MYH7: variants seen among roughly 807,000 people sequenced by gnomAD.
MYH7 encodes the protein myosin heavy chain 7.
Under a neutral mutation model 225.4 loss-of-function variants are expected in MYH7, and 129 were observed. The observed-to-expected ratio is 0.57, with a 90% CI of 0.50 to 0.66. MYH7 has a LOEUF of 0.66. Ranked by LOEUF, MYH7 falls within the 30% of genes least tolerant of loss-of-function variation. The pLI is 0.00. For missense variants in MYH7, 1,649 were observed against 2,517.0 expected (o/e 0.66, Z 7.38); for synonymous variants, 971 against 1,007.6 (o/e 0.96, Z 0.69).
Position 23,416,172 on chromosome 14 carries a change from G to A in MYH7, c.4785C>T (p.Asp1595=), listed in dbSNP as rs1320466218. ...CTGCGTCCAGGGAGGTCTGCAGCGA[G>A]TCCACCACCCGCAGGTGGTTGCGCT... is the stretch of plus-strand genomic sequence containing the variant. The part of the protein sequence containing the change: ...QAKRNHLRVV[D]SLQTSLDAET... The change falls in exon 34 of 40, where the codon GAC becomes GAT. Residue 1595 remains aspartate (D), a synonymous_variant. Coordinates refer to ENST00000355349, the MANE Select transcript of MYH7 (RefSeq NM_000257.4). The A allele has an allele frequency of 1.2e-6, 2 of 1,614,152 alleles. No homozygotes were observed. The highest frequency in any genetic ancestry group is 1.1e-5 in the South Asian group (1 of 91,078).
At chr14:23,434,106 G>T in intron 2 of MYH7, 88 bp downstream of exon 2, 1 of 849,034 alleles carries the variant, frequency 1.2e-6, no homozygotes, top group Non-Finnish European at 1.5e-6. Context: ...CCAGCACATG[G>T]CAGAAACTAG....
Position 23,416,994 on chromosome 14 carries a change from T to G in MYH7, c.4520-2A>C, listed in dbSNP as rs973089388. 6.2e-7 allele frequency: 1 copy of G among 1,614,132 alleles called. No individual in the cohort carries two copies. The highest frequency in any genetic ancestry group is 8.5e-7 in the Non-Finnish European group (1 of 1,180,058). ...GCTCAGTCAAGTCGGAGATCTCCTC[T>G]GTGTGGGGAACACGGTAACTCGGTT... On this transcript the variant is annotated splice_acceptor_variant, in intron 32 of 39. Coordinates refer to ENST00000355349, the MANE Select transcript of MYH7 (RefSeq NM_000257.4). LOFTEE classifies it high-confidence loss of function.
intron 1 of MYH7, among the ~76,000 whole-genome samples, chr14:23,434,493 G>A (rs915323854): frequency 9.9e-5 from 15 of 152,124 alleles, no homozygotes; most frequent in African/African-American, 3.4e-4. Flanking sequence ...CTTCACTCCT[G>A]CGAGATGGTC....
At chr14:23,418,831 G>T (rs12894524) in intron 29 of MYH7, among the ~76,000 whole-genome samples, 61,889 of 152,022 alleles carry the variant, frequency 0.41, 14,341 homozygotes, top group African/African-American at 0.63. Flanking sequence ...GGCTCCAGTT[G>T]AATTTCTTTC....
chr14:23,415,885 C>G lies in MYH7; in HGVS notation c.4954-53G>C. On this transcript the variant is annotated intron_variant, in intron 34 of 39. Transcript: ENST00000355349. The surrounding 1 kb of genome is among the most constrained non-coding windows in gnomAD (Gnocchi z 6.3). ...AGGGAGCCAGCCTCGGTTCCCTTCA[C>G]TAAAGGCACCTGTCAGAGGTCCCTG... 1 of 1,613,566 alleles carries G rather than the reference C, an allele frequency of 6.2e-7. No homozygotes were observed. The highest frequency in any genetic ancestry group is 2.2e-5 in the East Asian group (1 of 44,878).
rs771345570 is a variant in MYH7 at position 23,428,940 on chromosome 14, G to A, written c.1407+15C>T. ...GTGAGTGATTGTTCTCCCACTCCCAGGGGTCCCAACTCACATCGAAGATCT... is the reference window on the plus strand; with the variant it reads ...GTGAGTGATTGTTCTCCCACTCCCAAGGGTCCCAACTCACATCGAAGATCT... On this transcript the variant is annotated intron_variant, in intron 14 of 39. Transcript: ENST00000355349. 1.2e-6 allele frequency: 2 copies of A among 1,614,186 alleles called. No individual in the cohort carries two copies. The highest frequency in any genetic ancestry group is 1.7e-6 in the Non-Finnish European group (2 of 1,180,038).
intron 37 of MYH7, 64 bp downstream of exon 37, chr14:23,414,931 C>T (rs1892120385): frequency 1.2e-6 from 2 of 1,600,198 alleles, no homozygotes; most frequent in Non-Finnish European, 1.7e-6. Flanking sequence ...TCTTCATTCT[C>T]CTCAGCTGGT....
chr14:23,433,249 C>A lies in MYH7; in HGVS notation c.202-22G>T. On this transcript the variant is annotated intron_variant, in intron 3 of 39. Coordinates refer to ENST00000355349, the MANE Select transcript of MYH7 (RefSeq NM_000257.4). This position sits in a 1 kb window ranked among gnomAD's most constrained non-coding sequence, Gnocchi z 4.1. ...CTGTCTGCAAGAGCCCCCACCCAAG[C>A]CCTCCTGTCAGCCTGGGCTTTCCCT... 1 of 1,614,142 alleles carries A rather than the reference C, an allele frequency of 6.2e-7. No homozygotes were observed. The highest frequency in any genetic ancestry group is 8.5e-7 in the Non-Finnish European group (1 of 1,180,010).
chr14:23,417,958 C>A (rs751028300), intron 30 of MYH7: 3 of 867,156 alleles, frequency 3.5e-6, no homozygotes, highest in Non-Finnish European at 4.0e-6. Context: ...CTTTCCCTGC[C>A]ACAGTGCCCT....
Position 23,433,559 on chromosome 14 carries a change from T to TCC in MYH7, c.173_174insGG (p.Val59GlufsTer12). ...TGCCATACTCGGTCTCGGCAGTGACTTTGCCACCCTCTCGAGACACGATCT... is the reference window on the plus strand; with the variant it reads ...TGCCATACTCGGTCTCGGCAGTGACTCCTTGCCACCCTCTCGAGACACGATCT... On this transcript the variant is annotated frameshift_variant, in exon 3 of 40. Coordinates refer to ENST00000355349, the MANE Select transcript of MYH7 (RefSeq NM_000257.4). LOFTEE classifies it high-confidence loss of function. The surrounding 1 kb of genome is among the most constrained non-coding windows in gnomAD (Gnocchi z 4.1). The TCC allele has an allele frequency of 6.2e-7, 1 of 1,614,198 alleles. No individual in the cohort carries two copies. The highest frequency in any genetic ancestry group is 8.5e-7 in the Non-Finnish European group (1 of 1,180,034).
Position 23,419,125 on chromosome 14 carries a change from G to C in MYH7, c.3972+52C>G, listed in dbSNP as rs1892355293. 6 of 1,473,028 alleles carry C rather than the reference G, an allele frequency of 4.1e-6. No individual in the cohort carries two copies. In the Admixed American group the frequency reaches 1.0e-4, roughly 25 times the overall value. The allele number at this position is 1,473,028 out of a possible 1,614,324, so 91.2% of individuals were successfully genotyped here. ...GGGAAGGGAAGTGATTTGATGCAAG[G>C]CTAGTCAGTGTGCTCCTTGCTTGGG... On this transcript the variant is annotated intron_variant, in intron 29 of 39. Coordinates refer to ENST00000355349, the MANE Select transcript of MYH7 (RefSeq NM_000257.4).
Position 23,429,764 on chromosome 14 carries a change from C to G in MYH7, c.1138+11G>C. 6.2e-7 allele frequency: 1 copy of G among 1,612,006 alleles called. No homozygotes were observed. The highest frequency in any genetic ancestry group is 8.5e-7 in the Non-Finnish European group (1 of 1,179,994). Reference sequence around the variant, plus strand: ...ACTTGACAGCTGCCCCCAAGAATCCCTGCCTCCCACCTTCAGTGCCGTCTG... The same window carrying G: ...ACTTGACAGCTGCCCCCAAGAATCCGTGCCTCCCACCTTCAGTGCCGTCTG... On this transcript the variant is annotated intron_variant, in intron 12 of 39. Transcript: ENST00000355349.
At chr14:23,424,267 G>T in intron 22 of MYH7, 118 bp from the exon 23 acceptor site, 1 of 1,346,696 alleles carries the variant, frequency 7.4e-7, no homozygotes, top group Non-Finnish European at 1.0e-6. Flanking sequence ...ATCCCCACTT[G>T]GCAAGAGCTT....
Position 23,415,957 on chromosome 14 carries a change from A to T in MYH7, c.4953+47T>A. 6.2e-7 allele frequency: 1 copy of T among 1,613,782 alleles called. No homozygotes were observed. ...AATCTGGTGCCTGTATCAAGACACT[A>T]CTGCTTCGCCAGGCCACGTGGAGGC... On this transcript the variant is annotated intron_variant, in intron 34 of 39. Coordinates refer to ENST00000355349, the MANE Select transcript of MYH7 (RefSeq NM_000257.4). This position sits in a 1 kb window ranked among gnomAD's most constrained non-coding sequence, Gnocchi z 6.3.
At position 23,431,052 on chromosome 14, in the gene MYH7, C is replaced by G. The variant is rs1892915591; in HGVS notation, c.797-53G>C. The G allele has an allele frequency of 2.6e-5, 34 of 1,330,726 alleles. No homozygotes were observed. In the South Asian group the frequency reaches 3.8e-4, roughly 15 times the overall value. 82.4% of individuals were successfully genotyped at this position (1,330,726 alleles called of 1,614,324 possible). On this transcript the variant is annotated intron_variant, in intron 9 of 39. Transcript: ENST00000355349. ...AGAAAGAAAAGTTAGGGTTTGGGCACAAGGAAAATTAATGATAAATGTAGC... is the reference window on the plus strand; with the variant it reads ...AGAAAGAAAAGTTAGGGTTTGGGCAGAAGGAAAATTAATGATAAATGTAGC...
In MYH7 at chr14:23,425,275, C is replaced by T; in HGVS notation, c.2423+7G>A. ...GAAGCGGGAAACCTCCTCTTGAGATCTCTCACCTACGTTCCAGCAGCTTTT... is the reference window on the plus strand; with the variant it reads ...GAAGCGGGAAACCTCCTCTTGAGATTTCTCACCTACGTTCCAGCAGCTTTT... On this transcript the variant is annotated splice_region_variant and intron_variant, in intron 21 of 39. Transcript: ENST00000355349. The surrounding 1 kb of genome is among the most constrained non-coding windows in gnomAD (Gnocchi z 4.6). 1 of 1,614,210 alleles carries T rather than the reference C, an allele frequency of 6.2e-7. No individual in the cohort carries two copies. Among genetic ancestry groups the T allele is most frequent in the South Asian group, 1.1e-5 (1 of 91,084 alleles).
intron 22 of MYH7, 149 bp from the exon 23 acceptor site, chr14:23,424,298 G>A: frequency 9.4e-7 from 1 of 1,063,608 alleles, no homozygotes; most frequent in Non-Finnish European, 1.3e-6. Flanking sequence ...GGGAGGGGAA[G>A]AGTTTCAGGA....
rs1433063251 is a variant in MYH7 at position 23,415,167 on chromosome 14, C to T, written c.5387G>A (p.Arg1796Gln). 11 of 1,614,106 alleles carry T rather than the reference C, an allele frequency of 6.8e-6. No homozygotes were observed. The East Asian group carries it at 8.9e-5, about 13-fold the overall frequency. The change falls in exon 37 of 40, where the codon CGG becomes CAG. Residue 1796 changes from arginine to glutamine, a missense_variant. Transcript: ENST00000355349. The surrounding 1 kb of genome is among the most constrained non-coding windows in gnomAD (Gnocchi z 6.3). ...MEQTIKDLQH[R>Q]LDEAEQIALK... is the part of the protein sequence containing the mutation. The stretch of plus-strand genomic sequence containing the variant: ...GGCGATCTGCTCGGCTTCGTCCAGC[C>T]GGTGCTGCAGGTCCTTAATGGTCTG...
chr14:23,432,385 C>A, intron 6 of MYH7, 94 bp downstream of exon 6: 1 of 1,513,924 alleles, frequency 6.6e-7, no homozygotes, highest in Non-Finnish European at 9.2e-7. Context: ...GGGAAAGAGG[C>A]TGAGTCTATG....
Sources: allele counts gnomAD v4.1 joint callset (sites outside exome capture counted in the v4.1 genomes callset), GRCh38; gene constraint gnomAD v4.1.1; non-coding constraint Gnocchi (gnomAD v3.1); transcripts MANE v1.5; gene names NCBI Gene and HGNC (gene_info 2026-07-23, HGNC 2026-07-21).